CSNK1G3: variants seen among roughly 807,000 people sequenced by gnomAD.
CSNK1G3 encodes the protein casein kinase 1 gamma 3.
CSNK1G3 carries 23 observed loss-of-function variants against 64.3 expected under a neutral mutation model. The ratio of observed to expected loss-of-function variants is 0.36; its 90% confidence interval spans 0.26 to 0.51. The LOEUF is 0.51. Among genes scored for constraint, CSNK1G3 ranks in the 20% least tolerant of loss-of-function variants. The pLI is 0.96. For synonymous variants in CSNK1G3, 158 were observed against 162.2 expected (o/e 0.97, Z 0.20); for missense variants, 357 against 510.5 (o/e 0.70, Z 2.90).
intron 1 of CSNK1G3, among the ~76,000 whole-genome samples, chr5:123,532,406 C>G (rs1780082202): frequency 6.6e-6 from 1 of 151,698 alleles, no homozygotes; most frequent in Admixed American, 6.6e-5. Flanking sequence ...AAATAAAGTG[C>G]TGATATTACT....
At chr5:123,513,815 T>C (rs897669687) in intron 1 of CSNK1G3, among the ~76,000 whole-genome samples, 1 of 152,180 alleles carries the variant, frequency 6.6e-6, no homozygotes, top group Non-Finnish European at 1.5e-5. Context: ...TAATGTGGAA[T>C]TAGATGTGAA....
intron 1 of CSNK1G3, among the ~76,000 whole-genome samples, chr5:123,543,048 G>A (rs1360059093): frequency 6.6e-6 from 1 of 151,942 alleles, no homozygotes; most frequent in Non-Finnish European, 1.5e-5. Context: ...TCCTGTGACA[G>A]CTTTGTTTCT....
intron 6 of CSNK1G3, among the ~76,000 whole-genome samples, chr5:123,580,527 C>T (rs1790044679): frequency 6.6e-6 from 1 of 151,836 alleles, no homozygotes; most frequent in Non-Finnish European, 1.5e-5. Context: ...AGTCTCTGTC[C>T]AAGATGCAAT....
chr5:123,539,701 A>AT (rs1330851558), intron 1 of CSNK1G3, among the ~76,000 whole-genome samples: 3 of 152,152 alleles, frequency 2.0e-5, no homozygotes, highest in African/African-American at 7.2e-5. Context: ...CACAAAGTAA[A>AT]TTGATTATTC....
At chr5:123,534,990 A>G (rs1176325861) in intron 1 of CSNK1G3, among the ~76,000 whole-genome samples, 3 of 152,182 alleles carry the variant, frequency 2.0e-5, no homozygotes, top group African/African-American at 7.2e-5. Context: ...TTGTGCTTTA[A>G]AAGCACGACC....
chr5:123,531,196 T>C (rs1337302635), intron 1 of CSNK1G3, among the ~76,000 whole-genome samples: 1 of 152,152 alleles, frequency 6.6e-6, no homozygotes, highest in African/African-American at 2.4e-5. Context: ...CCATTTGTTG[T>C]AAATTTATAC....
At chr5:123,533,181 T>C (rs1235512864) in intron 1 of CSNK1G3, among the ~76,000 whole-genome samples, 1 of 151,948 alleles carries the variant, frequency 6.6e-6, no homozygotes, top group Non-Finnish European at 1.5e-5. Flanking sequence ...CTCTTAACTC[T>C]GTACTTTGCA....
At chr5:123,560,628 G>T (rs1031344161) in intron 4 of CSNK1G3, among the ~76,000 whole-genome samples, 1 of 152,172 alleles carries the variant, frequency 6.6e-6, no homozygotes, top group Non-Finnish European at 1.5e-5. Flanking sequence ...TGGGAGCATC[G>T]CTTGAGCCCA....
Position 123,578,827 on chromosome 5 carries a change from C to T in CSNK1G3, c.673+2864C>T, listed in dbSNP as rs1038303169. Among the ~76,000 whole-genome samples, 7 of 151,736 alleles carry T rather than the reference C, an allele frequency of 4.6e-5. No individual in the cohort carries two copies. In the East Asian group the frequency reaches 5.8e-4, roughly 13 times the overall value. ...GGGGTTGAGGTTCTTTCTATGATAT[C>T]GTATTCTTTCTTATTGAATTACCTT... On this transcript the variant is annotated intron_variant, in intron 6 of 12. Transcript: ENST00000345990.
intron 6 of CSNK1G3, among the ~76,000 whole-genome samples, chr5:123,583,863 A>AT (rs1027589964): frequency 7.3e-5 from 11 of 150,796 alleles, no homozygotes; most frequent in South Asian, 2.1e-4. Context: ...ATTAAAAAAA[A>AT]TTTTTTTTTG....
At chr5:123,532,078 A>C (rs1350863085) in intron 1 of CSNK1G3, among the ~76,000 whole-genome samples, 3 of 151,838 alleles carry the variant, frequency 2.0e-5, no homozygotes, top group Non-Finnish European at 4.4e-5. Flanking sequence ...ATTTTTAAGA[A>C]TATTTAGGTA....
intron 6 of CSNK1G3, among the ~76,000 whole-genome samples, chr5:123,582,088 G>A (rs978017309): frequency 6.6e-6 from 1 of 151,912 alleles, no homozygotes; most frequent in Non-Finnish European, 1.5e-5. Flanking sequence ...GTGAGGCATC[G>A]ATAAATTTGA....
intron 4 of CSNK1G3, among the ~76,000 whole-genome samples, chr5:123,561,261 G>A (rs761439418): frequency 4.6e-5 from 7 of 152,066 alleles, no homozygotes; most frequent in Admixed American, 6.5e-5. Context: ...CTCAGTATTC[G>A]TTGAGTCAAA....
rs1198557842 is a variant in CSNK1G3 at position 123,595,127 on chromosome 5, C to T, written c.1086+3713C>T. 16 of 1,612,966 alleles carry T rather than the reference C, an allele frequency of 9.9e-6. 1 individual carries two copies. Among genetic ancestry groups the T allele is most frequent in the South Asian group, 6.6e-5 (6 of 91,054 alleles). ...CTTGCAGCAGACAGACATGGTGGCT[C>T]GGTACAGGTATTTTCTGATTTTTGC... On this transcript the variant is annotated intron_variant, in intron 10 of 12. Coordinates refer to ENST00000345990, the Ensembl canonical transcript of CSNK1G3.
At chr5:123,597,557 G>C (rs542838232) in intron 10 of CSNK1G3, among the ~76,000 whole-genome samples, 28 of 152,152 alleles carry the variant, frequency 1.8e-4, no homozygotes, top group Non-Finnish European at 3.4e-4. Context: ...GTTTAGAGTT[G>C]ACATGTAAGA....
intron 1 of CSNK1G3, among the ~76,000 whole-genome samples, chr5:123,527,177 A>T (rs2150051007): frequency 6.6e-6 from 1 of 152,228 alleles, no homozygotes; most frequent in Middle Eastern, 3.4e-3. Context: ...AGAAATAGTG[A>T]TTTACGGGAG....
chr5:123,541,931 T>G (rs969653943), intron 1 of CSNK1G3, among the ~76,000 whole-genome samples: 3 of 152,116 alleles, frequency 2.0e-5, no homozygotes, highest in Admixed American at 6.6e-5. Flanking sequence ...TGTTTAGTCT[T>G]CCATTTTATT....
At chr5:123,569,685 A>T (rs1189400566) in intron 4 of CSNK1G3, among the ~76,000 whole-genome samples, 2 of 152,202 alleles carry the variant, frequency 1.3e-5, no homozygotes, top group Non-Finnish European at 1.5e-5. Context: ...TAATTTTATT[A>T]TTGGTAATAA....
chr5:123,573,403 T>C, exon 5 of CSNK1G3: 1 of 1,613,880 alleles, frequency 6.2e-7, no homozygotes, highest in Non-Finnish European at 8.5e-7. Flanking sequence ...ATGGTATACC[T>C]CAAGTTTACT....
Sources: gnomAD v4.1 joint callset for allele counts (sites outside exome capture counted in the v4.1 genomes callset) on GRCh38, gnomAD v4.1.1 for gene constraint, MANE v1.5 for transcripts, NCBI Gene and HGNC (gene_info 2026-07-23, HGNC 2026-07-21) for gene names.